CNTNAP2: variants seen among roughly 807,000 people sequenced by gnomAD.
CNTNAP2 encodes the protein contactin-associated protein-like 2.
Under a neutral mutation model 155.2 loss-of-function variants are expected in CNTNAP2, and 98 were observed. The observed-to-expected ratio is 0.63, with a 90% CI of 0.54 to 0.75. The LOEUF is 0.75. Among genes scored for constraint, CNTNAP2 ranks in the 30% least tolerant of loss-of-function variants. The pLI, the probability that CNTNAP2 is intolerant of heterozygous loss-of-function variation, is 0.00. For synonymous variants in CNTNAP2, 651 were observed against 631.2 expected, an observed-to-expected ratio of 1.03 and a Z score of -0.47; for missense variants, 1,727 against 1,688.1, an observed-to-expected ratio of 1.02 and a Z score of -0.40.
Position 146,277,297 on chromosome 7 carries a change from C to T in CNTNAP2, c.97+160324C>T, listed in dbSNP as rs370943245. ...ATGTTTCTGTTTCTTTCAGGCCCCA[C>T]ACTTTGTTACGGAGCCTTAGGAAAC... On this transcript the variant is annotated intron_variant, in intron 1 of 23. Coordinates refer to ENST00000361727, the MANE Select transcript of CNTNAP2 (RefSeq NM_014141.6). 5.3e-4 allele frequency among the ~76,000 whole-genome samples: 80 copies of T among 152,282 alleles called. 1 individual carries two copies. Among genetic ancestry groups the T allele is most frequent in the African/African-American group, 1.9e-3 (77 of 41,552 alleles).
chr7:146,229,431 T>G (rs1799348034), intron 1 of CNTNAP2, among the ~76,000 whole-genome samples: 1 of 152,196 alleles, frequency 6.6e-6, no homozygotes, highest in South Asian at 2.1e-4. Context: ...AGCCTTTCTT[T>G]GTAATCTCTC....
chr7:148,142,390 A>T (rs753787798), intron 16 of CNTNAP2, among the ~76,000 whole-genome samples: 4 of 152,098 alleles, frequency 2.6e-5, no homozygotes, highest in Non-Finnish European at 5.9e-5. Context: ...TACTTCATTC[A>T]GAAAAAAAAT....
At chr7:146,180,678 C>A (rs576237696) in intron 1 of CNTNAP2, among the ~76,000 whole-genome samples, 1 of 152,198 alleles carries the variant, frequency 6.6e-6, no homozygotes, top group Admixed American at 6.6e-5. Context: ...ATTGTTGTAG[C>A]CTCCATTTAT....
intron 1 of CNTNAP2, among the ~76,000 whole-genome samples, chr7:146,560,216 T>C (rs935137068): frequency 1.3e-5 from 2 of 152,040 alleles, no homozygotes; most frequent in Admixed American, 1.3e-4. Context: ...AGGTGGAAAG[T>C]GTGTTAAATA....
At chr7:146,468,458 G>T (rs1472468078) in intron 1 of CNTNAP2, among the ~76,000 whole-genome samples, 1 of 150,106 alleles carries the variant, frequency 6.7e-6, no homozygotes, top group East Asian at 2.0e-4. Context: ...AAAAAAAAAA[G>T]AAGACAATGA....
At chr7:148,335,617 A>G (rs1798103587) in intron 21 of CNTNAP2, among the ~76,000 whole-genome samples, 1 of 152,204 alleles carries the variant, frequency 6.6e-6, no homozygotes, top group South Asian at 2.1e-4. Context: ...CAGTAACCGC[A>G]AGAACTGAAA....
At chr7:148,354,921 C>T (rs1369898617) in intron 21 of CNTNAP2, among the ~76,000 whole-genome samples, 4 of 151,978 alleles carry the variant, frequency 2.6e-5, no homozygotes, top group Non-Finnish European at 5.9e-5. Flanking sequence ...CCCAGCCACA[C>T]ACTGATTTGG....
intron 18 of CNTNAP2, among the ~76,000 whole-genome samples, chr7:148,183,370 A>G (rs1245774072): frequency 6.6e-6 from 1 of 152,050 alleles, no homozygotes; most frequent in Admixed American, 6.6e-5. Context: ...GAAAACATAT[A>G]TCATTAAAGC....
At chr7:148,350,489 A>G (rs1798408748) in intron 21 of CNTNAP2, among the ~76,000 whole-genome samples, 1 of 152,216 alleles carries the variant, frequency 6.6e-6, no homozygotes, top group Non-Finnish European at 1.5e-5. Context: ...TATCCATTCA[A>G]CTAGTCAGCT....
intron 12 of CNTNAP2, among the ~76,000 whole-genome samples, chr7:147,616,949 A>T (rs1017631411): frequency 6.6e-6 from 1 of 152,138 alleles, no homozygotes; most frequent in African/African-American, 2.4e-5. Context: ...TTTTATCTCC[A>T]CAAGTTTTCT....
intron 1 of CNTNAP2, among the ~76,000 whole-genome samples, chr7:146,762,160 A>G (rs1246590549): frequency 6.6e-6 from 1 of 152,200 alleles, no homozygotes; most frequent in Non-Finnish European, 1.5e-5. Flanking sequence ...GAGAGCCCTT[A>G]TATAGAAATT....
chr7:146,416,165 A>AAC (rs34440733), intron 1 of CNTNAP2, among the ~76,000 whole-genome samples: 3 of 151,324 alleles, frequency 2.0e-5, no homozygotes, highest in African/African-American at 7.3e-5. Context: ...TAAAATGAAA[A>AAC]AAGATGAGTT....
chr7:147,642,091 G>A (rs1176294759), intron 13 of CNTNAP2, among the ~76,000 whole-genome samples: 2 of 151,892 alleles, frequency 1.3e-5, no homozygotes, highest in East Asian at 3.9e-4. Flanking sequence ...AGAAGACCAA[G>A]GGCAATAAGA....
intron 1 of CNTNAP2, among the ~76,000 whole-genome samples, chr7:146,408,379 G>A (rs802200): frequency 0.54 from 81,505 of 151,866 alleles, 25,580 homozygotes; most frequent in African/African-American, 0.88. Flanking sequence ...CTTTAGCACA[G>A]AAGGGACTGC....
At chr7:148,020,903 A>G (rs1247942039) in intron 15 of CNTNAP2, among the ~76,000 whole-genome samples, 2 of 152,222 alleles carry the variant, frequency 1.3e-5, no homozygotes, top group African/African-American at 2.4e-5. Context: ...AATGTGGTAA[A>G]TCTTAAGCAA....
chr7:148,125,228 GTCTCTTTC>G (rs900690578), intron 16 of CNTNAP2, among the ~76,000 whole-genome samples: 14 of 151,976 alleles, frequency 9.2e-5, no homozygotes, highest in South Asian at 4.2e-4. Flanking sequence ...ATCTCTCTCT[GTCTCTTTC>G]TCTCTTTCTC....
chr7:146,288,988 G>T (rs150052710), intron 1 of CNTNAP2, among the ~76,000 whole-genome samples: 5 of 151,762 alleles, frequency 3.3e-5, no homozygotes, highest in South Asian at 2.1e-4. Flanking sequence ...ATTTTTAGTA[G>T]AGATGGGGTT....
intron 20 of CNTNAP2, among the ~76,000 whole-genome samples, chr7:148,233,155 A>C (rs1217309454): frequency 6.6e-6 from 1 of 152,264 alleles, no homozygotes; most frequent in African/African-American, 2.4e-5. Context: ...GCAGTGAAAA[A>C]TTATGTCAAT....
intron 10 of CNTNAP2, among the ~76,000 whole-genome samples, chr7:147,459,325 C>T (rs532209881): frequency 6.6e-6 from 1 of 152,120 alleles, no homozygotes; most frequent in East Asian, 1.9e-4. Context: ...TGCCTTGTAC[C>T]TCCAGTTCTA....
Sources: gnomAD v4.1 joint callset for allele counts (sites outside exome capture counted in the v4.1 genomes callset) on GRCh38, gnomAD v4.1.1 for gene constraint, MANE v1.5 for transcripts, NCBI Gene and HGNC (gene_info 2026-07-23, HGNC 2026-07-21) for gene names.